Variants in PTPRG observed in about 807,000 individuals in gnomAD.
PTPRG encodes the protein protein tyrosine phosphatase receptor type G, also known as receptor-type tyrosine-protein phosphatase gamma.
Under a neutral mutation model 165.3 loss-of-function variants are expected in PTPRG, and 102 were observed. The observed-to-expected ratio is 0.62, with a 90% CI of 0.53 to 0.73. The LOEUF is 0.73. Among genes scored for constraint, PTPRG ranks in the 30% least tolerant of loss-of-function variants. The pLI, the probability that PTPRG is intolerant of heterozygous loss-of-function variation, is 0.00. For missense variants in PTPRG, 1,866 were observed against 1,861.4 expected (o/e 1.00, Z -0.05); for synonymous variants, 675 against 669.5 (o/e 1.01, Z -0.13).
At chr3:62,287,963 A>T (rs1052910520) in intron 28 of PTPRG, among the ~76,000 whole-genome samples, 2 of 152,192 alleles carry the variant, frequency 1.3e-5, no homozygotes, top group African/African-American at 4.8e-5. Context: ...GTGAAATAAC[A>T]TCCCAAATCC....
At chr3:61,823,236 G>T (rs2107264140) in intron 2 of PTPRG, among the ~76,000 whole-genome samples, 1 of 152,262 alleles carries the variant, frequency 6.6e-6, no homozygotes. Context: ...TGTCGCCCAG[G>T]CTAGAGTGCA....
intron 1 of PTPRG, among the ~76,000 whole-genome samples, chr3:61,697,381 G>C (rs918190415): frequency 6.6e-6 from 1 of 152,080 alleles, no homozygotes; most frequent in Non-Finnish European, 1.5e-5. Context: ...TACTCCCTTC[G>C]TCCCCCAGGG....
chr3:61,702,222 A>G (rs2031005404), intron 1 of PTPRG, among the ~76,000 whole-genome samples: 2 of 152,012 alleles, frequency 1.3e-5, no homozygotes, highest in Non-Finnish European at 2.9e-5. Context: ...CAAGTGATCT[A>G]CCCACCTCGG....
rs538057152 is a variant in PTPRG at position 62,237,152 on chromosome 3, T to C, written c.2375+5841T>C. Reference sequence around the variant, plus strand: ...AAAAAGATATAAGAAAATTGTTAGCTCATATCAGAGGTTATCTAAACAGGT... The same window carrying C: ...AAAAAGATATAAGAAAATTGTTAGCCCATATCAGAGGTTATCTAAACAGGT... On this transcript the variant is annotated intron_variant, in intron 14 of 29. Coordinates refer to ENST00000474889, the MANE Select transcript of PTPRG (RefSeq NM_002841.4). The surrounding 1 kb of genome is among the most constrained non-coding windows in gnomAD (Gnocchi z 4.5). Among the ~76,000 whole-genome samples, 10 of 152,258 alleles carry C rather than the reference T, an allele frequency of 6.6e-5. No individual in the cohort carries two copies. Among genetic ancestry groups the C allele is most frequent in the African/African-American group, 2.4e-4 (10 of 41,556 alleles).
intron 2 of PTPRG, among the ~76,000 whole-genome samples, chr3:61,908,411 C>CAAAA (rs776421819): frequency 1.4e-4 from 8 of 57,698 alleles, no homozygotes; most frequent in Non-Finnish European, 2.2e-4. Context: ...GGCAACAGAG[C>CAAAA]AAAAAAAAAA....
chr3:61,820,717 A>G (rs2035928833), intron 2 of PTPRG, among the ~76,000 whole-genome samples: 1 of 147,912 alleles, frequency 6.8e-6, no homozygotes, highest in African/African-American at 2.5e-5. Flanking sequence ...TCTTGGGTAG[A>G]TAGAGGCGCC....
At chr3:62,087,611 C>T (rs1022372712) in intron 5 of PTPRG, among the ~76,000 whole-genome samples, 3 of 152,140 alleles carry the variant, frequency 2.0e-5, no homozygotes, top group Admixed American at 6.6e-5. Context: ...GAGCTTTTTT[C>T]AGTATAAATT....
intron 26 of PTPRG, 56 bp from the exon 27 acceptor site, chr3:62,281,507 A>G: frequency 7.2e-7 from 1 of 1,385,064 alleles, no homozygotes; most frequent in African/African-American, 1.6e-5. Flanking sequence ...TGCAAGAAAT[A>G]GAAAACAAAT....
At chr3:62,027,088 C>T (rs67970891) in intron 4 of PTPRG, among the ~76,000 whole-genome samples, 84,904 of 151,406 alleles carry the variant, frequency 0.56, 24,729 homozygotes, top group African/African-American at 0.73. Flanking sequence ...AATTCTCTCC[C>T]CGTGCCCTGT....
At chr3:61,791,081 T>C (rs902417525) in intron 2 of PTPRG, among the ~76,000 whole-genome samples, 1 of 152,228 alleles carries the variant, frequency 6.6e-6, no homozygotes, top group East Asian at 1.9e-4. Context: ...TGCTAAATTA[T>C]TAATGAAACA....
chr3:61,790,833 A>G (rs1291972213), intron 2 of PTPRG, among the ~76,000 whole-genome samples: 1 of 152,100 alleles, frequency 6.6e-6, no homozygotes, highest in Non-Finnish European at 1.5e-5. Flanking sequence ...AAATATGTCG[A>G]ATAAGTCATT....
chr3:61,563,173 G>A (rs1409424157), intron 1 of PTPRG, among the ~76,000 whole-genome samples: 1 of 111,752 alleles, frequency 8.9e-6, no homozygotes, highest in Non-Finnish European at 2.0e-5. Context: ...GGTTTCGGCG[G>A]CCGGGTTGCT....
At chr3:61,838,372 T>G (rs2036531122) in intron 2 of PTPRG, among the ~76,000 whole-genome samples, 1 of 152,210 alleles carries the variant, frequency 6.6e-6, no homozygotes, top group Admixed American at 6.5e-5. Flanking sequence ...TAGTTTCTTT[T>G]CCCTTTGAAA....
At chr3:61,967,601 G>C (rs945144867) in intron 2 of PTPRG, among the ~76,000 whole-genome samples, 1 of 152,066 alleles carries the variant, frequency 6.6e-6, no homozygotes, top group African/African-American at 2.4e-5. Context: ...AGCAGAAAAG[G>C]GCTAATGGCA....
At chr3:62,002,911 C>T (rs1559740220) in intron 3 of PTPRG, among the ~76,000 whole-genome samples, 1 of 152,154 alleles carries the variant, frequency 6.6e-6, no homozygotes, top group African/African-American at 2.4e-5. Context: ...ATGCCTATTG[C>T]ATCTGGCTGA....
At chr3:61,682,613 A>C (rs6414551) in intron 1 of PTPRG, among the ~76,000 whole-genome samples, 150,745 of 152,326 alleles carry the variant, frequency 0.99, 74,610 homozygotes, top group Middle Eastern at 1. Flanking sequence ...CAATTAGTTT[A>C]TCTATCCTGT....
intron 4 of PTPRG, among the ~76,000 whole-genome samples, chr3:62,007,631 A>G (rs2041327576): frequency 6.6e-6 from 1 of 152,194 alleles, no homozygotes; most frequent in South Asian, 2.1e-4. Context: ...TCCTGCCTTC[A>G]AGGTATTTAC....
rs201479019 is a variant in PTPRG, at chr3:61,776,200, T to G, written c.190+27218T>G. Among the ~76,000 whole-genome samples the G allele has an allele frequency of 3.9e-4, 59 of 151,778 alleles. No homozygotes were observed. In the East Asian group the frequency reaches 9.3e-3, roughly 24 times the overall value. ...CTAGAATGTTAGCATCAAGAGTGAG[T>G]GGGAGCGTAAAGAATACTGTTTGCT... On this transcript the variant is annotated intron_variant, in intron 2 of 29. Coordinates refer to ENST00000474889, the MANE Select transcript of PTPRG (RefSeq NM_002841.4).
At chr3:61,625,283 T>C (rs952548312) in intron 1 of PTPRG, among the ~76,000 whole-genome samples, 4 of 121,946 alleles carry the variant, frequency 3.3e-5, no homozygotes, top group Non-Finnish European at 5.2e-5. Flanking sequence ...AGTCAAACTT[T>C]AGTCTCTCAC....
Sources: gnomAD v4.1 joint callset for allele counts (sites outside exome capture counted in the v4.1 genomes callset) on GRCh38, gnomAD v4.1.1 for gene constraint, Gnocchi (gnomAD v3.1) non-coding constraint, MANE v1.5 for transcripts, NCBI Gene and HGNC (gene_info 2026-07-23, HGNC 2026-07-21) for gene names.